The following PRH1 variants were observed in gnomAD, a reference collection of about 807,000 sequenced individuals.
PRH1 encodes salivary acidic proline-rich phosphoprotein 1/2.
Under a neutral mutation model 7.9 loss-of-function variants are expected in PRH1, and 7 were observed. The ratio of observed to expected loss-of-function variants is 0.89; its 90% CI spans 0.50 to 1.67. PRH1 has a LOEUF of 1.67. Among genes scored for constraint, PRH1 ranks in the 40% most tolerant of loss-of-function variants. The pLI, the probability that PRH1 is intolerant of heterozygous loss-of-function variation, is 0.00. For synonymous variants in PRH1, 45 were observed against 80.8 expected, an observed-to-expected ratio of 0.56 and a Z score of 2.38; for missense variants, 109 against 223.6, an observed-to-expected ratio of 0.49 and a Z score of 3.27.
upstream of PRH1, among the ~76,000 whole-genome samples, chr12:11,048,179 T>TA: frequency 8.4e-6 from 1 of 118,430 alleles, no homozygotes; most frequent in Non-Finnish European, 2.0e-5. Context: ...GATAGATAGA[T>TA]AGATAGATAG....
chr12:11,006,271 T>C (rs575055555), intron 1 of PRH1: 59 of 152,060 alleles, frequency 3.9e-4, no homozygotes, highest in Admixed American at 3.9e-3. Flanking sequence ...TTTACCTGTC[T>C]GGGACAGGAA....
intron 1 of PRH1, among the ~76,000 whole-genome samples, chr12:11,069,840 C>A (rs1313976042): frequency 6.6e-6 from 1 of 152,150 alleles, no homozygotes; most frequent in South Asian, 2.1e-4. Context: ...AACAAGAATT[C>A]AATAATTGAA....
chr12:11,046,118 T>C (rs1942890436), intron 1 of PRH1, among the ~76,000 whole-genome samples: 2 of 152,176 alleles, frequency 1.3e-5, no homozygotes, highest in Non-Finnish European at 2.9e-5. Flanking sequence ...TGAAAGAGAA[T>C]TACTTTGATT....
chr12:11,117,083 A>T (rs1945752003), downstream of PRH1, among the ~76,000 whole-genome samples: 1 of 152,122 alleles, frequency 6.6e-6, no homozygotes, highest in Admixed American at 6.5e-5. Context: ...CAATCACTCA[A>T]GAAAAATAAA....
At chr12:11,112,202 A>G (rs1395634805) in intron 1 of PRH1, among the ~76,000 whole-genome samples, 1 of 152,184 alleles carries the variant, frequency 6.6e-6, no homozygotes, top group East Asian at 1.9e-4. Flanking sequence ...AGACATATTC[A>G]CAACCAAATT....
chr12:10,955,665 A>G (rs1053423543), intron 2 of PRH1, among the ~76,000 whole-genome samples: 1 of 151,684 alleles, frequency 6.6e-6, no homozygotes, highest in Non-Finnish European at 1.5e-5. Flanking sequence ...AAAAATTAAT[A>G]TGATAGACCC....
At chr12:11,139,583 T>C (rs1592092307) in intron 1 of PRH1, among the ~76,000 whole-genome samples, 1 of 152,350 alleles carries the variant, frequency 6.6e-6, no homozygotes, top group East Asian at 1.9e-4. Context: ...ATTTCCTTTG[T>C]TGTATTATAC....
At chr12:10,949,529 AC>A (rs1950537712) in intron 2 of PRH1, among the ~76,000 whole-genome samples, 1 of 152,210 alleles carries the variant, frequency 6.6e-6, no homozygotes, top group Non-Finnish European at 1.5e-5. Context: ...TATAATTTTA[AC>A]TTGTATTTCT....
intron 1 of PRH1, among the ~76,000 whole-genome samples, chr12:11,100,357 C>T (rs893631969): frequency 2.0e-5 from 3 of 152,154 alleles, no homozygotes; most frequent in Non-Finnish European, 4.4e-5. Flanking sequence ...AAGGTCTAGG[C>T]ATCCTCCTGC....
chr12:11,040,302 A>C (rs140204346), intron 1 of PRH1, among the ~76,000 whole-genome samples: 1 of 152,340 alleles, frequency 6.6e-6, no homozygotes, highest in African/African-American at 2.4e-5. Context: ...TCAAACTGCC[A>C]AGACAGGAAA....
chr12:10,934,232 A>G (rs1591695566), intron 2 of PRH1, among the ~76,000 whole-genome samples: 2 of 152,258 alleles, frequency 1.3e-5, no homozygotes, highest in East Asian at 3.9e-4. Context: ...GGTTCCCCCT[A>G]GTGATGTATT....
downstream of PRH1, among the ~76,000 whole-genome samples, chr12:11,119,653 A>G (rs760746572): frequency 6.6e-6 from 1 of 152,234 alleles, no homozygotes; most frequent in African/African-American, 2.4e-5. Context: ...ATGTTAAAAT[A>G]CCAAAAAATG....
rs1280659511 is a variant in PRH1 at position 10,981,718 on chromosome 12, G to A, written c.-125-7997C>T. ...TTGTTTTTGTTTGTTTCTTTTTAGA[G>A]ACAAGATCTTGCTTGATTGCCCAGG... On this transcript the variant is annotated intron_variant, in intron 1 of 3. Transcript: ENST00000539853. Among the ~76,000 whole-genome samples, 4 of 152,024 alleles carry A rather than the reference G, an allele frequency of 2.6e-5. No individual in the cohort carries two copies. The South Asian group carries it at 6.2e-4, about 24-fold the overall frequency.
intron 1 of PRH1, chr12:11,031,405 T>C: frequency 6.4e-7 from 1 of 1,551,424 alleles, no homozygotes; most frequent in Non-Finnish European, 8.7e-7. Flanking sequence ...GCAGGTGGGT[T>C]CGTGGTCTCC....
intron 1 of PRH1, among the ~76,000 whole-genome samples, chr12:11,071,714 A>C (rs1470077141): frequency 8.4e-6 from 1 of 119,538 alleles, no homozygotes; most frequent in East Asian, 2.1e-4. Flanking sequence ...ACTCTTCCTT[A>C]GAGTCTGTTA....
chr12:11,136,163 T>C (rs549277655), intron 1 of PRH1, among the ~76,000 whole-genome samples: 16 of 152,348 alleles, frequency 1.1e-4, no homozygotes, highest in African/African-American at 3.8e-4. Context: ...CTTCACACTT[T>C]ACCAACTAGG....
At chr12:11,153,245 T>C (rs7962445) in intron 1 of PRH1, among the ~76,000 whole-genome samples, 113,350 of 152,078 alleles carry the variant, frequency 0.75, 44,743 homozygotes, top group East Asian at 0.96. Context: ...ACTTAAGGCT[T>C]TGAATTACTA....
At chr12:11,136,212 T>C (rs551460122) in intron 1 of PRH1, among the ~76,000 whole-genome samples, 34 of 152,366 alleles carry the variant, frequency 2.2e-4, no homozygotes, top group Non-Finnish European at 3.8e-4. Context: ...CTGGCCTGCT[T>C]TGAACTCTGT....
intron 1 of PRH1, chr12:11,077,842 A>C (rs1487929945): frequency 9.7e-7 from 1 of 1,027,286 alleles, no homozygotes; most frequent in African/African-American, 1.5e-5. Context: ...CAAGGGACCC[A>C]ACAGTATCAC....
Sources: gnomAD v4.1 joint callset for allele counts (sites outside exome capture counted in the v4.1 genomes callset) on GRCh38, gnomAD v4.1.1 for gene constraint, MANE v1.5 for transcripts, NCBI Gene and HGNC (gene_info 2026-07-23, HGNC 2026-07-21) for gene names.